The following MAPRE2 variants were observed in gnomAD, a reference collection of about 807,000 sequenced individuals.
MAPRE2 encodes the protein microtubule-associated protein RP/EB family member 2.
MAPRE2 carries 13 observed loss-of-function variants against 43.2 expected under a neutral mutation model. The observed-to-expected ratio is 0.30, with a 90% CI of 0.20 to 0.48. The LOEUF (loss-of-function observed/expected upper bound fraction) is 0.48, where lower values mean the gene tolerates loss of function less well. MAPRE2 is among the 20% of genes least tolerant of loss of function. MAPRE2 has a pLI of 0.99. For synonymous variants in MAPRE2, 135 were observed against 148.8 expected (o/e 0.91, Z 0.68); for missense variants, 161 against 400.2 (o/e 0.40, Z 5.10).
intron 2 of MAPRE2, among the ~76,000 whole-genome samples, chr18:35,026,207 A>G (rs537474907): frequency 2.8e-4 from 43 of 152,252 alleles, no homozygotes; most frequent in Middle Eastern, 3.4e-3. Context: ...TGTGAAATGA[A>G]CAGGTATGAT....
rs571957632 is a variant in MAPRE2 at position 35,129,244 on chromosome 18, T to C, written c.750+2157T>C. On this transcript the variant is annotated intron_variant, in intron 5 of 6. Transcript: ENST00000300249. ...ACTTACTCCAAATTTATATCCGTGG[T>C]TCACTGTTGACGTTCCCTCCTTTTT... 1.1e-4 allele frequency among the ~76,000 whole-genome samples: 17 copies of C among 152,274 alleles called. No homozygotes were observed. In the South Asian group the frequency reaches 1.2e-3, roughly 11 times the overall value.
Position 34,991,528 on chromosome 18 carries a change from C to T in MAPRE2, c.-69-13964C>T, listed in dbSNP as rs74916747. Among the ~76,000 whole-genome samples the T allele has an allele frequency of 1.5e-3, 233 of 152,288 alleles. 4 individuals are homozygous for T. The highest frequency in any genetic ancestry group is 5.3e-3 in the African/African-American group (222 of 41,560). ...ACTGCAAGACTAAAGGGAGTATAAT[C>T]ATATTCCAGAATGCGTGGCCTTTTT... On this transcript the variant is annotated intron_variant, in intron 1 of 7. Transcript: ENST00000413393.
intron 1 of MAPRE2, chr18:35,005,361 G>C (rs2097031351): frequency 1.9e-6 from 1 of 526,624 alleles, no homozygotes. Flanking sequence ...TTGGATATTT[G>C]GCGTGTATTT....
chr18:35,032,696 T>G (rs1161306815), intron 2 of MAPRE2, among the ~76,000 whole-genome samples: 2 of 152,174 alleles, frequency 1.3e-5, no homozygotes, highest in African/African-American at 4.8e-5. Flanking sequence ...TTTGTTTTTT[T>G]GTTTATTTTT....
chr18:35,055,537 C>CTGTGTGTGTGTGTGTGTGTGTGTGTG (rs34194364), intron 1 of MAPRE2, among the ~76,000 whole-genome samples: 24 of 146,658 alleles, frequency 1.6e-4, no homozygotes, highest in South Asian at 4.3e-4. Context: ...ATTCAGTTCT[C>CTGTGTGTGTGTGTGTGTGTGTGTGTG]TGTGTGTGTG....
At chr18:35,101,896 A>G (rs759928246) in intron 3 of MAPRE2, 50 bp from the exon 4 acceptor site, 3 of 1,343,734 alleles carry the variant, frequency 2.2e-6, no homozygotes. Context: ...TCTTTTGGGT[A>G]TATACCCAAA....
chr18:35,022,829 A>G (rs1436225793), intron 2 of MAPRE2, among the ~76,000 whole-genome samples: 3 of 152,208 alleles, frequency 2.0e-5, no homozygotes, highest in Non-Finnish European at 4.4e-5. Context: ...CACAGTAGAG[A>G]GTCAACAGGT....
At chr18:35,010,347 A>G (rs1568970756) in intron 2 of MAPRE2, among the ~76,000 whole-genome samples, 1 of 152,234 alleles carries the variant, frequency 6.6e-6, no homozygotes. Context: ...TCAAGGCTAC[A>G]GTGAGCCGTG....
intron 1 of MAPRE2, among the ~76,000 whole-genome samples, chr18:35,047,021 GT>G (rs1905662530): frequency 6.6e-6 from 1 of 152,126 alleles, no homozygotes; most frequent in Non-Finnish European, 1.5e-5. Flanking sequence ...GATGTAAAAA[GT>G]TCCGATGTGG....
chr18:35,087,310 T>C (rs1473327146), intron 2 of MAPRE2, among the ~76,000 whole-genome samples: 1 of 152,186 alleles, frequency 6.6e-6, no homozygotes, highest in Non-Finnish European at 1.5e-5. Flanking sequence ...ACCTTCACAA[T>C]TGCAGCAGCA....
chr18:35,112,790 G>T (rs1207983486), intron 4 of MAPRE2, among the ~76,000 whole-genome samples: 2 of 152,158 alleles, frequency 1.3e-5, no homozygotes, highest in Non-Finnish European at 2.9e-5. Context: ...CTACATTTTA[G>T]TCTGTTCAGG....
intron 4 of MAPRE2, among the ~76,000 whole-genome samples, chr18:35,124,659 C>T (rs1406306058): frequency 6.6e-6 from 1 of 152,024 alleles, no homozygotes; most frequent in South Asian, 2.1e-4. Context: ...AGGTAGTCTT[C>T]GCACTGCTTT....
chr18:35,107,943 G>T (rs1483367014), intron 4 of MAPRE2, among the ~76,000 whole-genome samples: 2 of 151,592 alleles, frequency 1.3e-5, no homozygotes, highest in African/African-American at 4.8e-5. Flanking sequence ...TCTATTACTA[G>T]ATGTATATGT....
At chr18:35,018,950 A>T (rs912001854) in intron 2 of MAPRE2, among the ~76,000 whole-genome samples, 2 of 151,930 alleles carry the variant, frequency 1.3e-5, no homozygotes, top group Non-Finnish European at 2.9e-5. Flanking sequence ...TGAGGTAGGC[A>T]TTTAGCACTA....
At chr18:35,048,336 A>G (rs1203042734) in intron 1 of MAPRE2, among the ~76,000 whole-genome samples, 1 of 152,066 alleles carries the variant, frequency 6.6e-6, no homozygotes, top group Non-Finnish European at 1.5e-5. Context: ...AACACTGGGG[A>G]TTTTAATTCA....
chr18:35,050,823 A>C (rs761797373), intron 1 of MAPRE2, among the ~76,000 whole-genome samples: 7 of 152,132 alleles, frequency 4.6e-5, no homozygotes, highest in South Asian at 2.1e-4. Flanking sequence ...CCAGGAAACA[A>C]GCCATCTGCA....
At chr18:35,042,344 A>ACCC (rs1157729595) in intron 1 of MAPRE2, among the ~76,000 whole-genome samples, 10 of 151,818 alleles carry the variant, frequency 6.6e-5, no homozygotes, top group Admixed American at 6.6e-4. Flanking sequence ...TGGGTGGGGG[A>ACCC]GCCTTTCCTT....
At chr18:34,999,342 T>G (rs2097028184) in intron 1 of MAPRE2, among the ~76,000 whole-genome samples, 1 of 152,222 alleles carries the variant, frequency 6.6e-6, no homozygotes, top group South Asian at 2.1e-4. Context: ...TCATGTAATT[T>G]TTTGAAAGAA....
intron 2 of MAPRE2, among the ~76,000 whole-genome samples, chr18:35,095,051 C>G (rs1908338208): frequency 6.6e-6 from 1 of 152,034 alleles, no homozygotes; most frequent in Admixed American, 6.5e-5. Flanking sequence ...AGATTTCCAC[C>G]AACATTTGGA....
Sources: allele counts gnomAD v4.1 joint callset (sites outside exome capture counted in the v4.1 genomes callset), GRCh38; gene constraint gnomAD v4.1.1; transcripts MANE v1.5; gene names NCBI Gene and HGNC (gene_info 2026-07-23, HGNC 2026-07-21).